The following SDF4 variants were observed in gnomAD, a reference collection of about 807,000 sequenced individuals.
The protein encoded by SDF4 is stromal cell derived factor 4.
A neutral mutation model predicts 34.2 loss-of-function variants in SDF4; 22 were observed. The observed-to-expected ratio is 0.64, with a 90% CI of 0.46 to 0.92. The LOEUF is 0.92. SDF4 is among the 40% of genes least tolerant of loss of function. The pLI, the probability that SDF4 is intolerant of heterozygous loss-of-function variation, is 0.00. For synonymous variants in SDF4, 236 were observed against 203.1 expected (o/e 1.16, Z -1.38); for missense variants, 447 against 499.9 (o/e 0.89, Z 1.01).
intron 4 of SDF4, chr1:1,223,025 T>C: frequency 1.7e-6 from 1 of 572,342 alleles, no homozygotes; most frequent in Non-Finnish European, 3.1e-6. Context: ...ACACATGTAC[T>C]CACGAGCACA....
chr1:1,230,226 G>A (rs759662042), intron 1 of SDF4, among the ~76,000 whole-genome samples: 4 of 152,204 alleles, frequency 2.6e-5, no homozygotes, highest in Admixed American at 6.5e-5. Context: ...TTCTGTGGCC[G>A]TCTTATTCAG....
At chr1:1,221,993 G>C (rs78328314) in intron 4 of SDF4, among the ~76,000 whole-genome samples, 2 of 152,190 alleles carry the variant, frequency 1.3e-5, no homozygotes, top group African/African-American at 4.8e-5. Flanking sequence ...CTCTGGTGAG[G>C]AAATGTGTGT....
chr1:1,231,688 C>A (rs1416005173), intron 1 of SDF4, among the ~76,000 whole-genome samples: 1 of 151,974 alleles, frequency 6.6e-6, no homozygotes, highest in Non-Finnish European at 1.5e-5. Context: ...CCGGGGAGGC[C>A]AGCGTCGTCG....
chr1:1,224,197 C>T (rs1030879637), intron 2 of SDF4, among the ~76,000 whole-genome samples: 1 of 152,204 alleles, frequency 6.6e-6, no homozygotes, highest in African/African-American at 2.4e-5. Context: ...CCCGGGGAAA[C>T]ACATGGACCC....
Position 1,223,435 on chromosome 1 carries a change from C to G in SDF4, c.443-78G>C, listed in dbSNP as rs1029653540. On this transcript the variant is annotated intron_variant, in intron 3 of 6. Transcript: ENST00000360001. The stretch of plus-strand genomic sequence containing the variant: ...TTCTCAACTGAGATGGGGTCTTGCT[C>G]TGCTGCCCAGGCTGGAAGCGGCAGG... 3.7e-6 allele frequency: 4 copies of G among 1,081,190 alleles called. No homozygotes were observed. In the African/African-American group the frequency reaches 4.7e-5, roughly 13 times the overall value. The allele number at this position is 1,081,190 out of a possible 1,614,324, so 67.0% of individuals were successfully genotyped here.
In SDF4 at chr1:1,220,537, C is replaced by T. The variant is rs189403617; in HGVS notation, c.557-1610G>A. 1,539 of 1,234,936 alleles carry T rather than the reference C, an allele frequency of 1.2e-3. 5 individuals carry two copies. The highest frequency in any genetic ancestry group is 6.7e-3 in the Middle Eastern group (24 of 3,570). 76.5% of individuals were successfully genotyped at this position (1,234,936 alleles called of 1,614,324 possible). A position where few individuals can be genotyped will look rare whatever the true frequency, so the allele number is the denominator to read the frequency against. On this transcript the variant is annotated intron_variant, in intron 4 of 6. Coordinates refer to ENST00000360001, the MANE Select transcript of SDF4 (RefSeq NM_016176.6). Reference sequence around the variant, plus strand: ...CCAGAAACCAAATACCCAAAGAGGTCGGGGGGTCCTAGGCACCCTGAGGTC... The same window carrying T: ...CCAGAAACCAAATACCCAAAGAGGTTGGGGGGTCCTAGGCACCCTGAGGTC...
At position 1,218,102 on chromosome 1, in the gene SDF4, G is replaced by A. The variant is rs547932960; in HGVS notation, c.891+356C>T. Among the ~76,000 whole-genome samples, 1 of 152,238 alleles carries A rather than the reference G, an allele frequency of 6.6e-6. No homozygotes were observed. Among genetic ancestry groups the A allele is most frequent in the South Asian group, 2.1e-4 (1 of 4,836 alleles). ...TGGTAAATTCCAGCCATGTGGCACA[G>A]GCCGCCCCGCCCACCTGCACCTGCT... On this transcript the variant is annotated intron_variant, in intron 6 of 6. Coordinates refer to ENST00000360001, the MANE Select transcript of SDF4 (RefSeq NM_016176.6). The surrounding 1 kb of genome is among the most constrained non-coding windows in gnomAD (Gnocchi z 7.9).
intron 4 of SDF4, chr1:1,220,440 A>G: frequency 8.5e-7 from 1 of 1,180,802 alleles, no homozygotes. Context: ...GAGGGGTGGG[A>G]GGTCGCAGGA....
chr1:1,229,783 G>T (rs979527031), intron 1 of SDF4, among the ~76,000 whole-genome samples: 6 of 152,132 alleles, frequency 3.9e-5, no homozygotes, highest in African/African-American at 1.4e-4. Context: ...CTAAGAAACA[G>T]GAGGCTCCCC....
chr1:1,229,748 T>G (rs1240411907), intron 1 of SDF4, among the ~76,000 whole-genome samples: 1 of 152,202 alleles, frequency 6.6e-6, no homozygotes, highest in African/African-American at 2.4e-5. Flanking sequence ...CTAAGTCATG[T>G]GGCCTCCCCG....
intron 4 of SDF4, chr1:1,219,364 G>A (rs1649765538): frequency 9.3e-7 from 1 of 1,071,166 alleles, no homozygotes; most frequent in South Asian, 2.5e-5. Flanking sequence ...ACACAGCTCA[G>A]AGCCCCTCAT....
rs1359200543 is a variant in SDF4 at position 1,217,244 on chromosome 1, G to A, written c.*268C>T. 1 of 179,266 alleles carries A rather than the reference G, an allele frequency of 5.6e-6. No individual in the cohort carries two copies. The highest frequency in any genetic ancestry group is 1.4e-4 in the East Asian group (1 of 7,196). 11.1% of individuals were successfully genotyped at this position (179,266 alleles called of 1,614,324 possible). ...GAAGCGAGATTTCGTTCTCAGAAGT[G>A]AGATGCCACGATTTCGAGGGACCAG... On this transcript the variant is annotated 3_prime_UTR_variant, in exon 7 of 7. Transcript: ENST00000360001. This position sits in a 1 kb window ranked among gnomAD's most constrained non-coding sequence, Gnocchi z 8.5.
intron 4 of SDF4, chr1:1,220,830 G>A (rs532031379): frequency 5.6e-5 from 62 of 1,111,636 alleles, no homozygotes; most frequent in East Asian, 3.6e-4. Flanking sequence ...CAAGCACATC[G>A]CCAACAGGCC....
Position 1,223,283 on chromosome 1 carries a change from C to A in SDF4, c.517G>T (p.Ala173Ser). 1.2e-6 allele frequency: 2 copies of A among 1,614,124 alleles called. No individual in the cohort carries two copies. The highest frequency in any genetic ancestry group is 1.7e-6 in the Non-Finnish European group (2 of 1,180,000). ...KGHSEKEVAD[A>S]IRLNEELKVD... ...TTGAGTTCCTCGTTGAGCCTGATGG[C>A]GTCGGCAACCTCCTTCTCGCTATGG... The change falls in exon 4 of 7, where the codon GCC becomes TCC. Residue 173 changes from alanine (A) to serine (S), a missense_variant. Coordinates refer to ENST00000360001, the MANE Select transcript of SDF4 (RefSeq NM_016176.6).
At chr1:1,219,262 C>T (rs1181225177) in intron 4 of SDF4, 1 of 1,191,246 alleles carries the variant, frequency 8.4e-7, no homozygotes, top group Non-Finnish European at 1.1e-6. Context: ...CAGACACAGC[C>T]CAGACCCCCA....
intron 4 of SDF4, chr1:1,220,965 T>C: frequency 1.4e-5 from 5 of 361,786 alleles, no homozygotes; most frequent in Non-Finnish European, 2.7e-5. Flanking sequence ...AGTAATAACG[T>C]CCAATTTGGC....
chr1:1,217,587 C>T lies in SDF4; in HGVS notation c.993G>A (p.Glu331=), dbSNP rs759978508. The T allele has an allele frequency of 1.9e-6, 3 of 1,613,692 alleles. No homozygotes were observed. The South Asian group carries it at 3.3e-5, about 18-fold the overall frequency. ...ENQNHHLEPE[E]VLKYSEFFTG... ...TGAAGAACTCGCTGTACTTGAGCAC[C>T]TCCTCGGGCTCCAGGTGGTGGTTCT... The change falls in exon 7 of 7, where the codon GAG becomes GAA. Residue 331 remains glutamate (E), a synonymous_variant. Coordinates refer to ENST00000360001, the MANE Select transcript of SDF4 (RefSeq NM_016176.6). The surrounding 1 kb of genome is among the most constrained non-coding windows in gnomAD (Gnocchi z 8.5).
intron 2 of SDF4, among the ~76,000 whole-genome samples, chr1:1,226,618 G>A (rs548667052): frequency 2.2e-4 from 33 of 149,800 alleles, no homozygotes; most frequent in African/African-American, 5.9e-4. Context: ...AGGGACCCGC[G>A]TGTGGGAAGG....
intron 2 of SDF4, among the ~76,000 whole-genome samples, chr1:1,225,984 G>A (rs956266430): frequency 4.6e-5 from 7 of 152,250 alleles, no homozygotes; most frequent in Admixed American, 2.0e-4. Context: ...CGGTACCCAC[G>A]TGTACACAGC....
Sources: allele counts gnomAD v4.1 joint callset (sites outside exome capture counted in the v4.1 genomes callset), GRCh38; gene constraint gnomAD v4.1.1; non-coding constraint Gnocchi (gnomAD v3.1); transcripts MANE v1.5; gene names NCBI Gene and HGNC (gene_info 2026-07-23, HGNC 2026-07-21).